The following OSBPL3 variants were observed in gnomAD, a reference collection of about 807,000 sequenced individuals.
OSBPL3 encodes oxysterol binding protein like 3.
OSBPL3 carries 65 observed loss-of-function variants against 120.1 expected under a neutral mutation model. The observed-to-expected ratio is 0.54, with a 90% CI of 0.44 to 0.67. The LOEUF (loss-of-function observed/expected upper bound fraction) is 0.67, where lower values mean the gene tolerates loss of function less well. Among genes scored for constraint, OSBPL3 ranks in the 30% least tolerant of loss-of-function variants. The pLI is 0.00. For missense variants in OSBPL3, 1,004 were observed against 1,082.1 expected, an observed-to-expected ratio of 0.93 and a Z score of 1.01; for synonymous variants, 416 against 402.6, an observed-to-expected ratio of 1.03 and a Z score of -0.40.
At position 24,818,973 on chromosome 7, in the gene OSBPL3, G is replaced by A. The variant is rs117333598; in HGVS notation, c.1948+1202C>T. ...CGCATTAAAAAAAAATCCAACTTTTGGCTGGGCGCAGTGGCTCATGCCTGT... is the reference window on the plus strand; with the variant it reads ...CGCATTAAAAAAAAATCCAACTTTTAGCTGGGCGCAGTGGCTCATGCCTGT... On this transcript the variant is annotated intron_variant, in intron 17 of 22. Coordinates refer to ENST00000313367, the MANE Select transcript of OSBPL3 (RefSeq NM_015550.4). This position sits in a 1 kb window ranked among gnomAD's most constrained non-coding sequence, Gnocchi z 4.0. Among the ~76,000 whole-genome samples, 164 of 152,232 alleles carry A rather than the reference G, an allele frequency of 1.1e-3. No individual in the cohort carries two copies. The highest frequency in any genetic ancestry group is 3.4e-3 in the Middle Eastern group (1 of 294).
intron 1 of OSBPL3, among the ~76,000 whole-genome samples, chr7:24,954,152 C>G (rs758180107): frequency 9.9e-5 from 15 of 152,204 alleles, no homozygotes; most frequent in Non-Finnish European, 2.1e-4. Context: ...CAGAATCACT[C>G]AAGCCAAAGT....
chr7:24,878,989 A>T (rs1305814484), intron 2 of OSBPL3, among the ~76,000 whole-genome samples: 4 of 152,194 alleles, frequency 2.6e-5, no homozygotes, highest in Admixed American at 6.5e-5. Context: ...CTGAAGGCAA[A>T]ACCAGGACTA....
At chr7:24,917,407 T>TATATATATATATATTTGTAAC (rs1809761023) in intron 1 of OSBPL3, among the ~76,000 whole-genome samples, 1 of 95,204 alleles carries the variant, frequency 1.1e-5, no homozygotes, top group African/African-American at 4.4e-5. Flanking sequence ...GTAACATATA[T>TATATATATATATATTTGTAAC]ATATATATAT....
Position 24,877,194 on chromosome 7 carries a change from T to C in OSBPL3, c.97-5125A>G, listed in dbSNP as rs78761529. Among the ~76,000 whole-genome samples, 1 of 152,090 alleles carries C rather than the reference T, an allele frequency of 6.6e-6. No homozygotes were observed. Among genetic ancestry groups the C allele is most frequent in the Non-Finnish European group, 1.5e-5 (1 of 68,010 alleles). ...GTAAATTCTGATGAAGAAAAAGGAGTAAATCCCATTGGGTAGAGGAATAGT... is the reference window on the plus strand; with the variant it reads ...GTAAATTCTGATGAAGAAAAAGGAGCAAATCCCATTGGGTAGAGGAATAGT... On this transcript the variant is annotated intron_variant, in intron 2 of 22. Transcript: ENST00000313367. The surrounding 1 kb of genome is among the most constrained non-coding windows in gnomAD (Gnocchi z 4.8).
Position 24,840,762 on chromosome 7 carries a change from C to T in OSBPL3, c.1423G>A (p.Val475Ile). The change falls in exon 14 of 23, where the codon GTC (valine) becomes ATC (isoleucine). Residue 475 changes from valine (V) to isoleucine (I), a missense_variant. By Grantham distance (29) the Val-to-Ile change is conservative (BLOSUM62 3). This residue lies in a region of OSBPL3 where 473 missense variants were observed against 568.0 expected (regional missense o/e 0.83). Coordinates refer to ENST00000313367, the MANE Select transcript of OSBPL3 (RefSeq NM_015550.4). ...GAAAGATTATCACTTATGTCACTGA[C>T]ATATGAGTCATCATCAGAAATCTAT... Reference protein sequence around the residue: ...ENEISDDDSYVSDISDNLSLD... With the variant: ...ENEISDDDSYISDISDNLSLD... 1 of 1,442,712 alleles carries T rather than the reference C, an allele frequency of 6.9e-7. No individual in the cohort carries two copies. The highest frequency in any genetic ancestry group is 9.6e-7 in the Non-Finnish European group (1 of 1,045,676). The allele number at this position is 1,442,712 out of a possible 1,614,324, so 89.4% of individuals were successfully genotyped here.
At chr7:24,828,560 T>C (rs989896257) in intron 16 of OSBPL3, among the ~76,000 whole-genome samples, 6 of 140,450 alleles carry the variant, frequency 4.3e-5, no homozygotes, top group Non-Finnish European at 7.5e-5. Context: ...TAAGCCGAGA[T>C]TGTGCCACTG....
intron 19 of OSBPL3, among the ~76,000 whole-genome samples, chr7:24,814,135 G>A (rs181331830): frequency 1.3e-5 from 2 of 152,240 alleles, no homozygotes; most frequent in African/African-American, 4.8e-5. Context: ...GGGAGTGAAT[G>A]ACAGGATGGG....
Position 24,865,485 on chromosome 7 carries a change from A to T in OSBPL3, c.550-20T>A. The T allele has an allele frequency of 3.1e-6, 5 of 1,611,596 alleles. No homozygotes were observed. The highest frequency in any genetic ancestry group is 3.4e-6 in the Non-Finnish European group (4 of 1,178,662). On this transcript the variant is annotated intron_variant, in intron 6 of 22. Coordinates refer to ENST00000313367, the MANE Select transcript of OSBPL3 (RefSeq NM_015550.4). ...GCTACGCTGTTCCACGGATGACAAA[A>T]GCACATTGTAAATGGAAACAGAGCC...
At position 24,797,633 on chromosome 7, in the gene OSBPL3, T is replaced by A. The variant is rs1791859789; in HGVS notation, c.*2550A>T. On this transcript the variant is annotated 3_prime_UTR_variant, in exon 23 of 23. Coordinates refer to ENST00000313367, the MANE Select transcript of OSBPL3 (RefSeq NM_015550.4). The surrounding 1 kb of genome is among the most constrained non-coding windows in gnomAD (Gnocchi z 4.8). ...CCTGCAGCGTGGGGTAGTCGACAGC[T>A]GTGACAGGAACATTACCTGAAGTGC... 1.3e-5 allele frequency: 2 copies of A among 152,162 alleles called. No homozygotes were observed. The highest frequency in any genetic ancestry group is 4.1e-4 in the South Asian group (2 of 4,822). The allele number at this position is 152,162 out of a possible 1,614,324, so 9.4% of individuals were successfully genotyped here. A position where few individuals can be genotyped will look rare whatever the true frequency, so the allele number is the denominator to read the frequency against.
At chr7:24,944,216 A>T (rs1324362013) in intron 1 of OSBPL3, among the ~76,000 whole-genome samples, 1 of 152,176 alleles carries the variant, frequency 6.6e-6, no homozygotes, top group Non-Finnish European at 1.5e-5. Context: ...TGGCTGTAAC[A>T]CCTCCTAAAG....
At chr7:24,974,265 C>T (rs758961466) in intron 1 of OSBPL3, among the ~76,000 whole-genome samples, 10 of 152,164 alleles carry the variant, frequency 6.6e-5, no homozygotes, top group Non-Finnish European at 1.2e-4. Flanking sequence ...TCCCTCCTCA[C>T]CCCCAGATTA....
intron 12 of OSBPL3, among the ~76,000 whole-genome samples, chr7:24,847,548 A>C (rs1164172437): frequency 6.6e-6 from 1 of 152,230 alleles, no homozygotes; most frequent in Non-Finnish European, 1.5e-5. Context: ...TATATAGTTT[A>C]AAAACATGTA....
At chr7:24,905,784 A>C (rs1458602983) in intron 1 of OSBPL3, among the ~76,000 whole-genome samples, 1 of 152,232 alleles carries the variant, frequency 6.6e-6, no homozygotes, top group Non-Finnish European at 1.5e-5. Flanking sequence ...TAATCTCAGC[A>C]CTTCGGGAGG....
intron 1 of OSBPL3, among the ~76,000 whole-genome samples, chr7:24,962,038 C>T (rs1003595915): frequency 6.6e-6 from 1 of 152,114 alleles, no homozygotes; most frequent in Non-Finnish European, 1.5e-5. Context: ...TTCAGTGGCT[C>T]ACACCTGTAA....
chr7:24,957,993 ATTTAC>A (rs1815276275), intron 1 of OSBPL3, among the ~76,000 whole-genome samples: 1 of 152,150 alleles, frequency 6.6e-6, no homozygotes, highest in South Asian at 2.1e-4. Flanking sequence ...ATAAGCCATT[ATTTAC>A]TTAACATTCT....
intron 1 of OSBPL3, among the ~76,000 whole-genome samples, chr7:24,941,117 C>T (rs531516025): frequency 6.6e-6 from 1 of 152,338 alleles, no homozygotes; most frequent in South Asian, 2.1e-4. Flanking sequence ...CCGCACCCGG[C>T]CAACATTGCT....
chr7:24,858,587 TTTG>T (rs1407153098), intron 10 of OSBPL3, among the ~76,000 whole-genome samples: 1 of 152,230 alleles, frequency 6.6e-6, no homozygotes, highest in Admixed American at 6.5e-5. Context: ...CCCTGTGGAA[TTTG>T]TTGTCTGTAA....
At chr7:24,884,986 T>A (rs773696979) in intron 2 of OSBPL3, among the ~76,000 whole-genome samples, 1 of 151,962 alleles carries the variant, frequency 6.6e-6, no homozygotes, top group Non-Finnish European at 1.5e-5. Context: ...ATTATGAAAT[T>A]GAAAGAAATA....
chr7:24,864,685 C>T (rs951243216), intron 7 of OSBPL3, among the ~76,000 whole-genome samples: 1 of 152,152 alleles, frequency 6.6e-6, no homozygotes, highest in Admixed American at 6.5e-5. Context: ...ATGCCTAAAT[C>T]CCACCCCCAG....
Sources: allele counts gnomAD v4.1 joint callset (sites outside exome capture counted in the v4.1 genomes callset), GRCh38; gene constraint gnomAD v4.1.1; regional missense constraint gnomAD v4.1.1; non-coding constraint Gnocchi (gnomAD v3.1); transcripts MANE v1.5; gene names NCBI Gene and HGNC (gene_info 2026-07-23, HGNC 2026-07-21).